The following CCSER1 variants were observed in gnomAD, a reference collection of about 807,000 sequenced individuals.
CCSER1 encodes the protein coiled-coil serine rich protein 1, also known as serine-rich coiled-coil domain-containing protein 1.
CCSER1 carries 41 observed loss-of-function variants against 82.0 expected under a neutral mutation model. The ratio of observed to expected loss-of-function variants is 0.50; its 90% CI spans 0.39 to 0.65. The LOEUF (loss-of-function observed/expected upper bound fraction) is 0.65, where lower values mean the gene tolerates loss of function less well. Among genes scored for constraint, CCSER1 ranks in the 30% least tolerant of loss-of-function variants. The pLI is 0.00. For missense variants in CCSER1, 1,119 were observed against 1,064.2 expected (o/e 1.05, Z -0.72); for synonymous variants, 414 against 383.9 (o/e 1.08, Z -0.92).
Position 90,709,946 on chromosome 4 carries a change from GT to G in CCSER1, c.1933-13952del, listed in dbSNP as rs200510091. Reference sequence around the variant, plus strand: ...TTTCTCTGCAACCTTGCCAGCATCTGTTTTTTTTTTTTTTTTGACTTTTTAA... The same window carrying G: ...TTTCTCTGCAACCTTGCCAGCATCTGTTTTTTTTTTTTTTTGACTTTTTAA... On this transcript the variant is annotated intron_variant, in intron 6 of 10. Transcript: ENST00000509176. Among the ~76,000 whole-genome samples the G allele has an allele frequency of 4.6e-3, 623 of 134,928 alleles. 1 individual carries two copies. Among genetic ancestry groups the G allele is most frequent in the Middle Eastern group, 0.012 (3 of 246 alleles). 88.5% of individuals were successfully genotyped at this position (134,928 alleles called of 152,430 possible). A position where few individuals can be genotyped will look rare whatever the true frequency, so the allele number is the denominator to read the frequency against.
At chr4:91,302,004 C>T (rs1744706822) in intron 10 of CCSER1, among the ~76,000 whole-genome samples, 1 of 150,130 alleles carries the variant, frequency 6.7e-6, no homozygotes, top group Admixed American at 6.7e-5. Context: ...TCCTTTTTCC[C>T]TTGTTTATTT....
intron 5 of CCSER1, among the ~76,000 whole-genome samples, chr4:90,546,604 C>A (rs1776786806): frequency 6.6e-6 from 1 of 151,934 alleles, no homozygotes; most frequent in Admixed American, 6.6e-5. Flanking sequence ...AATTTCAATT[C>A]CTTATTTATG....
chr4:91,300,726 T>C (rs34353502), intron 10 of CCSER1, among the ~76,000 whole-genome samples: 8,552 of 151,914 alleles, frequency 0.056, 324 homozygotes, highest in Non-Finnish European at 0.082. Flanking sequence ...AAGTTATAAT[T>C]GGTGTTAAGA....
chr4:90,294,806 A>G (rs910344186), intron 1 of CCSER1, among the ~76,000 whole-genome samples: 15 of 152,038 alleles, frequency 9.9e-5, no homozygotes, highest in Admixed American at 7.9e-4. Context: ...GGCCCTCTTT[A>G]AGGGTAATCA....
chr4:91,023,786 A>G (rs1294390133), intron 9 of CCSER1, among the ~76,000 whole-genome samples: 4 of 152,240 alleles, frequency 2.6e-5, no homozygotes, highest in African/African-American at 9.6e-5. Context: ...AGCAATGGCA[A>G]CAAAAGCCAA....
At chr4:90,636,636 T>C (rs562909497) in intron 6 of CCSER1, among the ~76,000 whole-genome samples, 39 of 152,200 alleles carry the variant, frequency 2.6e-4, no homozygotes, top group African/African-American at 9.1e-4. Context: ...AAAAGTACCT[T>C]TGAAAAATTG....
intron 5 of CCSER1, among the ~76,000 whole-genome samples, chr4:90,499,090 ATG>A (rs944809148): frequency 2.6e-5 from 4 of 151,700 alleles, no homozygotes; most frequent in Non-Finnish European, 4.4e-5. Flanking sequence ...TGAAATATAT[ATG>A]TGTGTGTATA....
chr4:91,059,070 G>GAA (rs1374259981), intron 9 of CCSER1, among the ~76,000 whole-genome samples: 1 of 151,724 alleles, frequency 6.6e-6, no homozygotes, highest in Non-Finnish European at 1.5e-5. Context: ...CAGTTTTTAG[G>GAA]AAAAAAATCA....
At chr4:90,325,097 A>G (rs1053385599) in intron 3 of CCSER1, among the ~76,000 whole-genome samples, 2 of 152,066 alleles carry the variant, frequency 1.3e-5, no homozygotes, top group African/African-American at 4.8e-5. Context: ...AGGTACTATG[A>G]TTGCTCACCT....
At chr4:90,942,186 G>A (rs1488342144) in intron 9 of CCSER1, among the ~76,000 whole-genome samples, 1 of 152,002 alleles carries the variant, frequency 6.6e-6, no homozygotes, top group Non-Finnish European at 1.5e-5. Flanking sequence ...GTGAGCTCAA[G>A]CGATCCACCC....
At chr4:90,255,268 AT>A (rs558818378) in intron 1 of CCSER1, among the ~76,000 whole-genome samples, 22 of 150,178 alleles carry the variant, frequency 1.5e-4, no homozygotes, top group South Asian at 6.3e-4. Context: ...ATAACCATAT[AT>A]TTTTTTTTTC....
At chr4:90,953,312 G>A (rs1340511454) in intron 9 of CCSER1, among the ~76,000 whole-genome samples, 4 of 151,282 alleles carry the variant, frequency 2.6e-5, no homozygotes, top group African/African-American at 7.3e-5. Flanking sequence ...TTTTAGGAAA[G>A]CAATTCTCAT....
chr4:90,335,692 A>G (rs1246714196), intron 3 of CCSER1, among the ~76,000 whole-genome samples: 1 of 152,232 alleles, frequency 6.6e-6, no homozygotes, highest in Non-Finnish European at 1.5e-5. Flanking sequence ...TTACATAGTC[A>G]TATTTCCCCC....
At chr4:91,076,331 G>GT (rs60135071) in intron 9 of CCSER1, among the ~76,000 whole-genome samples, 173 of 147,598 alleles carry the variant, frequency 1.2e-3, no homozygotes, top group African/African-American at 1.3e-3. Flanking sequence ...CAACCATGCA[G>GT]TTTTTTTTTT....
At chr4:91,476,499 C>T (rs1356158770) in intron 10 of CCSER1, among the ~76,000 whole-genome samples, 1 of 151,512 alleles carries the variant, frequency 6.6e-6, no homozygotes, top group Non-Finnish European at 1.5e-5. Context: ...AGTGCAATCC[C>T]TACAAAAATA....
chr4:90,710,635 G>C (rs1051800931), intron 6 of CCSER1, among the ~76,000 whole-genome samples: 1 of 152,056 alleles, frequency 6.6e-6, no homozygotes, highest in African/African-American at 2.4e-5. Flanking sequence ...AGATCAGATA[G>C]TTGTACATGT....
chr4:91,487,417 A>G (rs1758279526), intron 10 of CCSER1, among the ~76,000 whole-genome samples: 1 of 152,156 alleles, frequency 6.6e-6, no homozygotes, highest in South Asian at 2.1e-4. Flanking sequence ...GTGGAAACAA[A>G]TATGTTCAAA....
At chr4:91,399,804 A>G (rs1189684350) in intron 10 of CCSER1, among the ~76,000 whole-genome samples, 1 of 151,968 alleles carries the variant, frequency 6.6e-6, no homozygotes, top group East Asian at 1.9e-4. Context: ...CAAATTTGTA[A>G]TATGTGAGGT....
chr4:90,933,620 A>G (rs543638258), intron 9 of CCSER1, among the ~76,000 whole-genome samples: 3 of 152,216 alleles, frequency 2.0e-5, no homozygotes, highest in Non-Finnish European at 2.9e-5. Flanking sequence ...AACTAAAAAG[A>G]ATTTATGTAA....
Sources: gnomAD v4.1 joint callset for allele counts (sites outside exome capture counted in the v4.1 genomes callset) on GRCh38, gnomAD v4.1.1 for gene constraint, MANE v1.5 for transcripts, NCBI Gene and HGNC (gene_info 2026-07-23, HGNC 2026-07-21) for gene names.